Variants in NINL observed in about 807,000 individuals in gnomAD.
NINL encodes the protein ninein like.
Under a neutral mutation model 160.3 loss-of-function variants are expected in NINL, and 153 were observed. The ratio of observed to expected loss-of-function variants is 0.95; its 90% CI spans 0.84 to 1.09. The LOEUF (loss-of-function observed/expected upper bound fraction) is 1.09, where lower values mean the gene tolerates loss of function less well. Among genes scored for constraint, NINL ranks in the 50% least tolerant of loss-of-function variants. NINL has a pLI of 0.00. For missense variants in NINL, 1,829 were observed against 1,764.0 expected, an observed-to-expected ratio of 1.04 and a Z score of -0.66; for synonymous variants, 800 against 734.8, an observed-to-expected ratio of 1.09 and a Z score of -1.43.
At chr20:25,535,281 T>C (rs759390408) in intron 1 of NINL, among the ~76,000 whole-genome samples, 3 of 152,076 alleles carry the variant, frequency 2.0e-5, no homozygotes, top group African/African-American at 4.8e-5. Flanking sequence ...TGTGGAGTTG[T>C]TGGGTAGGGG....
intron 17 of NINL, among the ~76,000 whole-genome samples, chr20:25,472,323 GGA>G (rs1491228398): frequency 2.6e-4 from 14 of 54,632 alleles, no homozygotes; most frequent in Admixed American, 1.9e-3. Flanking sequence ...TGGGAGGAGA[GGA>G]TATATATATA....
At chr20:25,566,965 G>T (rs2065004710) in intron 1 of NINL, among the ~76,000 whole-genome samples, 1 of 143,950 alleles carries the variant, frequency 6.9e-6, no homozygotes, top group Admixed American at 7.0e-5. Flanking sequence ...ACCAGCCTGG[G>T]CAACACAGTG....
intron 13 of NINL, among the ~76,000 whole-genome samples, chr20:25,483,473 T>G (rs2063441619): frequency 6.6e-6 from 1 of 152,292 alleles, no homozygotes; most frequent in Non-Finnish European, 1.5e-5. Context: ...GATTCCTTCC[T>G]CAGCGGCCAC....
At chr20:25,470,146 G>C in intron 17 of NINL, 51 bp from the exon 18 acceptor site, 3 of 1,446,820 alleles carry the variant, frequency 2.1e-6, no homozygotes, top group Non-Finnish European at 1.9e-6. Flanking sequence ...GCCACATGTG[G>C]TCACGGAGGC....
chr20:25,467,881 C>G (rs1271165515), intron 18 of NINL, among the ~76,000 whole-genome samples: 1 of 152,166 alleles, frequency 6.6e-6, no homozygotes, highest in African/African-American at 2.4e-5. Flanking sequence ...CAGCAGGGTC[C>G]TCACAGACTC....
At chr20:25,510,542 G>T in intron 5 of NINL, 132 bp downstream of exon 5, 1 of 816,650 alleles carries the variant, frequency 1.2e-6, no homozygotes, top group Non-Finnish European at 2.1e-6. Flanking sequence ...AGAATCCAGC[G>T]GGACACAACC....
intron 1 of NINL, among the ~76,000 whole-genome samples, chr20:25,578,016 G>C (rs1218229300): frequency 6.6e-6 from 1 of 151,320 alleles, no homozygotes; most frequent in South Asian, 2.1e-4. Context: ...ATTTTTAGTA[G>C]AGATGGGGTT....
At position 25,478,982 on chromosome 20, in the gene NINL, G is replaced by A. The variant is rs570190039; in HGVS notation, c.2142C>T (p.Cys714=). 3.7e-6 allele frequency: 6 copies of A among 1,602,184 alleles called. No individual in the cohort carries two copies. In the African/African-American group the frequency reaches 4.0e-5, roughly 11 times the overall value. The change falls in exon 16 of 24, where the codon TGC becomes TGT. Residue 714 remains cysteine (C), a synonymous_variant. Transcript: ENST00000278886. The part of the protein sequence containing the change: ...PEPEQMGLAP[C]CTQALCGLAL... ...CCAGGCCACACAGTGCCTGGGTGCA[G>A]CAGGGTGCCAGGCCCATCTGCTCAG...
At chr20:25,561,100 T>C (rs1257264930) in intron 1 of NINL, among the ~76,000 whole-genome samples, 2 of 142,002 alleles carry the variant, frequency 1.4e-5, no homozygotes, top group African/African-American at 5.7e-5. Flanking sequence ...GAAGCTGGAC[T>C]GTGCTGCTGC....
chr20:25,469,941 G>T, intron 18 of NINL, 50 bp downstream of exon 18: 2 of 1,326,966 alleles, frequency 1.5e-6, no homozygotes, highest in African/African-American at 1.4e-5. Context: ...GTCACTCTAC[G>T]GAGGGCAAAA....
chr20:25,492,576 C>T (rs1568906834), intron 10 of NINL, among the ~76,000 whole-genome samples: 2 of 152,072 alleles, frequency 1.3e-5, no homozygotes, highest in East Asian at 1.9e-4. Flanking sequence ...CTCAGCCTCC[C>T]GAGTAGCTGG....
chr20:25,467,549 GGTTT>G lies in NINL; in HGVS notation c.3354-95_3354-92del, dbSNP rs2062946433. The G allele has an allele frequency of 8.4e-5, 82 of 976,038 alleles. 1 individual carries two copies. The South Asian group carries it at 9.7e-4, about 12-fold the overall frequency. The allele number at this position is 976,038 out of a possible 1,614,324, so 60.5% of individuals were successfully genotyped here. A position where few individuals can be genotyped will look rare whatever the true frequency, so the allele number is the denominator to read the frequency against. ...GCACCCAGGGTAAGAGCAGCATGGGGGTTTGTAGCCACAGCAGAGACGCCCACAC... is the reference window on the plus strand; with the variant it reads ...GCACCCAGGGTAAGAGCAGCATGGGGGTAGCCACAGCAGAGACGCCCACAC... On this transcript the variant is annotated intron_variant, in intron 18 of 23. Coordinates refer to ENST00000278886, the MANE Select transcript of NINL (RefSeq NM_025176.6).
chr20:25,537,228 G>A (rs2064573564), intron 1 of NINL, among the ~76,000 whole-genome samples: 1 of 151,834 alleles, frequency 6.6e-6, no homozygotes, highest in Non-Finnish European at 1.5e-5. Context: ...GACTACAGGT[G>A]TGCACCACCC....
At position 25,453,254 on chromosome 20, in the gene NINL, C is replaced by CA. The variant is rs906476327; in HGVS notation, c.*196dup. Reference sequence around the variant, plus strand: ...CCGCTAATAAAAACGCCGGCTTCTGCAACATGCATATTCCCCCAGCCCCCA... The same window carrying CA: ...CCGCTAATAAAAACGCCGGCTTCTGCAAACATGCATATTCCCCCAGCCCCCA... On this transcript the variant is annotated 3_prime_UTR_variant, in exon 24 of 24. Transcript: ENST00000278886. The CA allele has an allele frequency of 1.3e-5, 6 of 467,568 alleles. No homozygotes were observed. Among genetic ancestry groups the CA allele is most frequent in the African/African-American group, 1.2e-4 (6 of 50,032 alleles). The allele number at this position is 467,568 out of a possible 1,614,324, so 29.0% of individuals were successfully genotyped here.
intron 1 of NINL, among the ~76,000 whole-genome samples, chr20:25,533,613 C>T (rs1025851060): frequency 3.3e-5 from 5 of 152,074 alleles, no homozygotes; most frequent in African/African-American, 1.2e-4. Flanking sequence ...GAATACAGAC[C>T]CCAGAAATCA....
At chr20:25,510,860 T>G in intron 4 of NINL, 120 bp from the exon 5 acceptor site, 1 of 766,778 alleles carries the variant, frequency 1.3e-6, no homozygotes, top group Non-Finnish European at 2.2e-6. Flanking sequence ...ATGGAGTCAA[T>G]CCCTCAGAGG....
chr20:25,548,634 C>A (rs924137471), intron 1 of NINL, among the ~76,000 whole-genome samples: 2 of 151,462 alleles, frequency 1.3e-5, no homozygotes, highest in African/African-American at 4.9e-5. Flanking sequence ...GCCACACGTC[C>A]CACACCCAGC....
In NINL at chr20:25,526,508, A is replaced by G; in HGVS notation, c.80T>C (p.Leu27Pro). The change falls in exon 2 of 24, where the codon CTG becomes CCG. Residue 27 changes from leucine to proline, a missense_variant. By Grantham distance (98) the Leu-to-Pro change is moderately conservative. Coordinates refer to ENST00000278886, the MANE Select transcript of NINL (RefSeq NM_025176.6). Reference sequence around the variant, plus strand: ...GAGCTGGGTCAGCTCCTGGCGGTCCAGAAAGCCAGTCCCCGTGGTGTCGCA... The same window carrying G: ...GAGCTGGGTCAGCTCCTGGCGGTCCGGAAAGCCAGTCCCCGTGGTGTCGCA... Reference protein sequence around the residue: ...SSCDTTGTGFLDRQELTQLCL... With the variant: ...SSCDTTGTGFPDRQELTQLCL... 6.2e-7 allele frequency: 1 copy of G among 1,614,124 alleles called. No individual in the cohort carries two copies. Among genetic ancestry groups the G allele is most frequent in the East Asian group, 2.2e-5 (1 of 44,898 alleles).
intron 1 of NINL, among the ~76,000 whole-genome samples, chr20:25,562,779 AAAAAAC>A (rs1279364247): frequency 6.6e-6 from 1 of 151,536 alleles, no homozygotes; most frequent in African/African-American, 2.4e-5. Context: ...AATAAAAAAA[AAAAAAC>A]AAAAACAAAA....
Sources: allele counts gnomAD v4.1 joint callset (sites outside exome capture counted in the v4.1 genomes callset), GRCh38; gene constraint gnomAD v4.1.1; transcripts MANE v1.5; gene names NCBI Gene and HGNC (gene_info 2026-07-23, HGNC 2026-07-21).